The following SH3BP4 variants were observed in gnomAD, a reference collection of about 807,000 sequenced individuals.
SH3BP4 encodes SH3 domain binding protein 4.
SH3BP4 carries 33 observed loss-of-function variants against 65.5 expected under a neutral mutation model. That is an observed-to-expected ratio of 0.50 (90% CI 0.38 to 0.67). SH3BP4 has a LOEUF of 0.67. SH3BP4 is among the 30% of genes least tolerant of loss of function. The pLI, the probability that SH3BP4 is intolerant of heterozygous loss-of-function variation, is 0.00. For missense variants in SH3BP4, 1,134 were observed against 1,261.4 expected, an observed-to-expected ratio of 0.90 and a Z score of 1.53; for synonymous variants, 552 against 545.5, an observed-to-expected ratio of 1.01 and a Z score of -0.17.
rs1403558396 is a variant in SH3BP4 at position 235,042,735 on chromosome 2, C to T, written c.1966C>T (p.Leu656Phe). The T allele has an allele frequency of 6.2e-7, 1 of 1,614,090 alleles. No homozygotes were observed. The highest frequency in any genetic ancestry group is 8.5e-7 in the Non-Finnish European group (1 of 1,180,054). The change falls in exon 4 of 6, where the codon CTC (leucine) becomes TTC (phenylalanine). Residue 656 changes from leucine (L) to phenylalanine (F), a missense_variant. Physicochemically the swap from Leu to Phe is conservative, Grantham distance 22 (BLOSUM62 0). Coordinates refer to ENST00000392011, the MANE Select transcript of SH3BP4 (RefSeq NM_014521.3). The surrounding 1 kb of genome is among the most constrained non-coding windows in gnomAD (Gnocchi z 7.3). Reference sequence around the variant, plus strand: ...TTTCCAGGACCGCCCGGTGTCCAGCCTCAAGTTTGGTAAGTTGCTCAAGAC... The same window carrying T: ...TTTCCAGGACCGCCCGGTGTCCAGCTTCAAGTTTGGTAAGTTGCTCAAGAC... ...PTFQDRPVSS[L>F]KFGKLLKTVV...
intron 1 of SH3BP4, among the ~76,000 whole-genome samples, chr2:234,959,708 A>G (rs554446095): frequency 2.5e-4 from 37 of 149,396 alleles, no homozygotes; most frequent in African/African-American, 7.4e-4. Flanking sequence ...CTGGAGTGCA[A>G]TGGCACGATC....
chr2:235,041,805 G>A lies in SH3BP4; in HGVS notation c.1036G>A (p.Val346Ile), dbSNP rs565208612. The change falls in exon 4 of 6, where the codon GTC becomes ATC. Residue 346 changes from valine to isoleucine, a missense_variant. Val to Ile is a conservative substitution (Grantham distance 29). Coordinates refer to ENST00000392011, the MANE Select transcript of SH3BP4 (RefSeq NM_014521.3). This position sits in a 1 kb window ranked among gnomAD's most constrained non-coding sequence, Gnocchi z 6.0. ...CAGCATCCACGTGCCCGAGGGCCAC[G>A]TCGCCCCTGGGGAGACCCAGCAGAT... Reference protein sequence around the residue: ...SISIHVPEGHVAPGETQQISM... With the variant: ...SISIHVPEGHIAPGETQQISM... 28 of 1,595,078 alleles carry A rather than the reference G, an allele frequency of 1.8e-5. No individual in the cohort carries two copies. The highest frequency in any genetic ancestry group is 1.7e-4 in the Admixed American group (10 of 58,420).
intron 2 of SH3BP4, among the ~76,000 whole-genome samples, chr2:235,013,887 A>G (rs1394259672): frequency 1.3e-5 from 2 of 152,168 alleles, no homozygotes; most frequent in Non-Finnish European, 2.9e-5. Context: ...TTTGTGCCTC[A>G]GTTTCCTCAG....
Position 235,040,994 on chromosome 2 carries a change from G to A in SH3BP4, c.225G>A (p.Lys75=). ...GCCCCACCAACTTCACCACACTGAAGTTCTCCAAGGGCGACCATCTCTACG... is the reference window on the plus strand; with the variant it reads ...GCCCCACCAACTTCACCACACTGAAATTCTCCAAGGGCGACCATCTCTACG... ...DYCPTNFTTL[K]FSKGDHLYVL... The change falls in exon 4 of 6, where the codon AAG becomes AAA. Residue 75 remains lysine (K), a synonymous_variant. Transcript: ENST00000392011. 6.2e-7 allele frequency: 1 copy of A among 1,614,204 alleles called. No individual in the cohort carries two copies. Among genetic ancestry groups the A allele is most frequent in the Non-Finnish European group, 8.5e-7 (1 of 1,180,040 alleles).
intron 2 of SH3BP4, among the ~76,000 whole-genome samples, chr2:235,022,613 C>T (rs6740384): frequency 0.015 from 2,333 of 152,206 alleles, 63 homozygotes; most frequent in African/African-American, 0.054. Context: ...TGAATCGAGA[C>T]ATTGACGGCC....
At chr2:235,043,822 A>C (rs565943971) in intron 4 of SH3BP4, among the ~76,000 whole-genome samples, 131 of 152,370 alleles carry the variant, frequency 8.6e-4, no homozygotes, top group Non-Finnish European at 1.6e-3. Flanking sequence ...CCTGGGATAT[A>C]CGTGTGGGGC....
intron 2 of SH3BP4, among the ~76,000 whole-genome samples, chr2:235,028,318 G>A (rs1245919532): frequency 6.6e-6 from 1 of 152,216 alleles, no homozygotes; most frequent in Non-Finnish European, 1.5e-5. Flanking sequence ...GTGACCACTG[G>A]GACCTGCTGA....
Position 235,043,024 on chromosome 2 carries a change from C to T in SH3BP4, c.2255C>T (p.Thr752Met), listed in dbSNP as rs746964092. ...EQILRPCKFL[T>M]YIYASVRTLL... ...ATCCTGCGGCCCTGCAAATTCCTCA[C>T]GTACATCTATGCCTCCGTGAGGACC... is the stretch of plus-strand genomic sequence containing the variant. Residue 752 changes from threonine to methionine, a missense_variant, in exon 4 of 6, where the codon ACG (threonine) becomes ATG (methionine). By Grantham distance (81) the Thr-to-Met change is moderately conservative (BLOSUM62 -1). Coordinates refer to ENST00000392011, the MANE Select transcript of SH3BP4 (RefSeq NM_014521.3). 4.3e-6 allele frequency: 7 copies of T among 1,609,446 alleles called. No individual in the cohort carries two copies. The highest frequency in any genetic ancestry group is 2.2e-5 in the East Asian group (1 of 44,710).
rs968860897 is a variant in SH3BP4, at chr2:235,055,472, A to G, written c.*1656A>G. On this transcript the variant is annotated 3_prime_UTR_variant, in exon 6 of 6. Coordinates refer to ENST00000392011, the MANE Select transcript of SH3BP4 (RefSeq NM_014521.3). The stretch of plus-strand genomic sequence containing the variant: ...CGATTGTGCTTCTCAACTCCACCCC[A>G]TAATTTCTCCCAGAGACCATCTATC... 1 of 152,626 alleles carries G rather than the reference A, an allele frequency of 6.6e-6. No individual in the cohort carries two copies. Among genetic ancestry groups the G allele is most frequent in the Admixed American group, 6.5e-5 (1 of 15,272 alleles). 9.5% of individuals were successfully genotyped at this position (152,626 alleles called of 1,614,324 possible).
chr2:235,048,493 G>A (rs1183090653), intron 4 of SH3BP4, among the ~76,000 whole-genome samples: 1 of 150,770 alleles, frequency 6.6e-6, no homozygotes, highest in Non-Finnish European at 1.5e-5. Context: ...ACCACACCCA[G>A]CTAATTTTTT....
chr2:235,023,299 C>T (rs554977184), intron 2 of SH3BP4, among the ~76,000 whole-genome samples: 1 of 152,194 alleles, frequency 6.6e-6, no homozygotes, highest in Non-Finnish European at 1.5e-5. Flanking sequence ...ATACTCTCAG[C>T]ACTTTGAGAG....
At chr2:235,048,651 T>C (rs969511771) in intron 4 of SH3BP4, among the ~76,000 whole-genome samples, 2 of 152,220 alleles carry the variant, frequency 1.3e-5, no homozygotes, top group African/African-American at 2.4e-5. Flanking sequence ...AGAATATCTC[T>C]TGAAGCAAGT....
chr2:235,002,698 C>G (rs1000028771), intron 2 of SH3BP4, among the ~76,000 whole-genome samples: 1 of 152,202 alleles, frequency 6.6e-6, no homozygotes, highest in Non-Finnish European at 1.5e-5. Flanking sequence ...TGCACTGCAG[C>G]CTGCATGACA....
Position 234,988,146 on chromosome 2 carries a change from G to A in SH3BP4, c.-206-7157G>A, listed in dbSNP as rs1217916370. On this transcript the variant is annotated intron_variant, in intron 1 of 5. Coordinates refer to ENST00000392011, the MANE Select transcript of SH3BP4 (RefSeq NM_014521.3). Reference sequence around the variant, plus strand: ...GTAATCCCGCCTCACTGCATCCTTCGCCTCCCGGGTTCAAGCAATTCTCCT... The same window carrying A: ...GTAATCCCGCCTCACTGCATCCTTCACCTCCCGGGTTCAAGCAATTCTCCT... 2.0e-5 allele frequency among the ~76,000 whole-genome samples: 3 copies of A among 151,994 alleles called. No homozygotes were observed. In the East Asian group the frequency reaches 5.8e-4, roughly 29 times the overall value.
At chr2:235,018,482 G>A (rs1470808157) in intron 2 of SH3BP4, among the ~76,000 whole-genome samples, 1 of 152,084 alleles carries the variant, frequency 6.6e-6, no homozygotes, top group African/African-American at 2.4e-5. Context: ...CATGCTTCTG[G>A]CATAAGCTTG....
chr2:235,032,607 G>C (rs1490420479), intron 2 of SH3BP4, among the ~76,000 whole-genome samples: 3 of 152,190 alleles, frequency 2.0e-5, no homozygotes, highest in Non-Finnish European at 4.4e-5. Flanking sequence ...CTGCCTGGCT[G>C]TGGTAGGGTG....
intron 1 of SH3BP4, among the ~76,000 whole-genome samples, chr2:234,960,350 T>C (rs1051754231): frequency 2.6e-5 from 4 of 152,212 alleles, no homozygotes; most frequent in Non-Finnish European, 5.9e-5. Flanking sequence ...ATATTTCAAA[T>C]GTTTGTAAGA....
chr2:235,038,463 T>C lies in SH3BP4; in HGVS notation c.119-2425T>C, dbSNP rs190499476. Among the ~76,000 whole-genome samples the C allele has an allele frequency of 3.3e-3, 440 of 132,304 alleles. 4 individuals carry two copies. In the South Asian group the frequency reaches 0.038, roughly 11 times the overall value. 86.8% of individuals were successfully genotyped at this position (132,304 alleles called of 152,430 possible). A position where few individuals can be genotyped will look rare whatever the true frequency, so the allele number is the denominator to read the frequency against. ...ATTCTTAGTTCTTGGCTTGGGCCCC[T>C]ATAACAAAAGACATTAATAAGAGAA... On this transcript the variant is annotated intron_variant, in intron 3 of 5. Coordinates refer to ENST00000392011, the MANE Select transcript of SH3BP4 (RefSeq NM_014521.3).
In SH3BP4 at chr2:235,038,277, TATATTATATATA is replaced by T. The variant is rs1284514998; in HGVS notation, c.119-2606_119-2595del. On this transcript the variant is annotated intron_variant, in intron 3 of 5. Coordinates refer to ENST00000392011, the MANE Select transcript of SH3BP4 (RefSeq NM_014521.3). ...TATATAATATATATTATATATAATATATATTATATATAATATATATATTATATATATATATTA... is the reference window on the plus strand; with the variant it reads ...TATATAATATATATTATATATAATATATATATATATTATATATATATATTA... 1.5e-3 allele frequency among the ~76,000 whole-genome samples: 29 copies of T among 19,064 alleles called. 1 individual carries two copies. In the African/African-American group the frequency reaches 0.02, roughly 13 times the overall value. 12.5% of individuals were successfully genotyped at this position (19,064 alleles called of 152,430 possible).
Sources: allele counts gnomAD v4.1 joint callset (sites outside exome capture counted in the v4.1 genomes callset), GRCh38; gene constraint gnomAD v4.1.1; non-coding constraint Gnocchi (gnomAD v3.1); transcripts MANE v1.5; gene names NCBI Gene and HGNC (gene_info 2026-07-23, HGNC 2026-07-21).